Variants in NAALADL2 observed in about 807,000 individuals in gnomAD.
NAALADL2 encodes inactive N-acetylated-alpha-linked acidic dipeptidase-like protein 2.
Under a neutral mutation model 87.2 loss-of-function variants are expected in NAALADL2, and 76 were observed. That is an observed-to-expected ratio of 0.87 (90% CI 0.72 to 1.05). The LOEUF (loss-of-function observed/expected upper bound fraction) is 1.05. Ranked by LOEUF, NAALADL2 falls within the 50% of genes least tolerant of loss-of-function variation. The pLI is 0.00. For synonymous variants in NAALADL2, 354 were observed against 331.0 expected (o/e 1.07, Z -0.75); for missense variants, 1,089 against 945.8 (o/e 1.15, Z -1.99).
chr3:174,460,197 C>A (rs1716122672), intron 1 of NAALADL2, among the ~76,000 whole-genome samples: 1 of 151,820 alleles, frequency 6.6e-6, no homozygotes, highest in African/African-American at 2.4e-5. Flanking sequence ...ATCATATAAA[C>A]CCTAAATGTG....
upstream of NAALADL2, among the ~76,000 whole-genome samples, chr3:174,855,213 T>G (rs1725719948): frequency 6.6e-6 from 1 of 152,166 alleles, no homozygotes; most frequent in South Asian, 2.1e-4. Flanking sequence ...ATGTGAGTAA[T>G]GTCTTATGCA....
At chr3:174,866,003 A>G (rs562290661) in intron 1 of NAALADL2, among the ~76,000 whole-genome samples, 2 of 152,046 alleles carry the variant, frequency 1.3e-5, no homozygotes, top group East Asian at 3.9e-4. Flanking sequence ...AATATATGCC[A>G]GAACATGCTG....
chr3:174,886,958 C>T (rs1579364889), intron 1 of NAALADL2, among the ~76,000 whole-genome samples: 2 of 152,164 alleles, frequency 1.3e-5, no homozygotes, highest in Admixed American at 6.5e-5. Flanking sequence ...ATCCTCCAAT[C>T]AAATAAACAA....
rs1018605500 is a variant in NAALADL2, at chr3:174,991,003, A to T, written c.44-105787A>T. On this transcript the variant is annotated intron_variant, in intron 1 of 13. Transcript: ENST00000454872. ...TATTACAGTGAATAAAAATATAAGC[A>T]TTTATGTATGCATTATACGTAAATA... 3.9e-5 allele frequency among the ~76,000 whole-genome samples: 6 copies of T among 152,260 alleles called. No individual in the cohort carries two copies. The South Asian group carries it at 1.2e-3, about 32-fold the overall frequency.
chr3:174,815,829 AGT>A (rs1491490546), intron 3 of NAALADL2, among the ~76,000 whole-genome samples: 8 of 63,302 alleles, frequency 1.3e-4, no homozygotes, highest in East Asian at 8.2e-4. Flanking sequence ...ATTTGACTTT[AGT>A]TTTTTTTTTT....
intron 11 of NAALADL2, among the ~76,000 whole-genome samples, chr3:175,674,263 TGTTTTG>T (rs1560955715): frequency 0.014 from 2,131 of 150,170 alleles, 69 homozygotes; most frequent in African/African-American, 0.051. Context: ...TTTTTTTGTT[TGTTTTG>T]TTTTTTTTGA....
chr3:175,708,341 A>G lies in NAALADL2; in HGVS notation c.1897-28965A>G, dbSNP rs554013902. 3.4e-4 allele frequency among the ~76,000 whole-genome samples: 51 copies of G among 152,208 alleles called. No homozygotes were observed. The South Asian group carries it at 8.7e-3, about 26-fold the overall frequency. ...AATGGATTAGAGAGTGGCAAGAATG[A>G]GTCCAGGGAGGCCAGTTCAAAAGTA... On this transcript the variant is annotated intron_variant, in intron 11 of 13. Transcript: ENST00000454872.
At chr3:174,463,290 C>A (rs538096482) in intron 1 of NAALADL2, among the ~76,000 whole-genome samples, 5 of 152,026 alleles carry the variant, frequency 3.3e-5, no homozygotes, top group Non-Finnish European at 5.9e-5. Context: ...ATGTAGAAAG[C>A]CTTCCACTTG....
intron 5 of NAALADL2, among the ~76,000 whole-genome samples, chr3:175,329,283 C>G (rs770600474): frequency 2.0e-5 from 3 of 152,254 alleles, no homozygotes; most frequent in Admixed American, 6.5e-5. Context: ...TTTTCAGTGG[C>G]TCTATTCTAG....
intron 5 of NAALADL2, among the ~76,000 whole-genome samples, chr3:175,389,821 A>G (rs551505087): frequency 6.6e-6 from 1 of 152,314 alleles, no homozygotes; most frequent in East Asian, 1.9e-4. Context: ...GACTTCACAC[A>G]GTGGCTCCAG....
At chr3:174,477,217 G>A (rs569941851) in intron 1 of NAALADL2, among the ~76,000 whole-genome samples, 14 of 152,192 alleles carry the variant, frequency 9.2e-5, no homozygotes, top group African/African-American at 3.4e-4. Context: ...TGACCATTTT[G>A]TCCTATAACT....
chr3:174,483,217 C>T (rs529981378), intron 1 of NAALADL2, among the ~76,000 whole-genome samples: 10 of 152,046 alleles, frequency 6.6e-5, no homozygotes, highest in African/African-American at 9.6e-5. Context: ...ATACCCAACA[C>T]GGGGTAACTT....
intron 1 of NAALADL2, among the ~76,000 whole-genome samples, chr3:174,914,600 A>G (rs374924664): frequency 4.6e-5 from 7 of 152,206 alleles, no homozygotes; most frequent in African/African-American, 1.4e-4. Context: ...CAAATATCAG[A>G]CATAATCTAT....
intron 13 of NAALADL2, among the ~76,000 whole-genome samples, chr3:175,801,684 T>C (rs1754168529): frequency 2.0e-5 from 3 of 152,148 alleles, no homozygotes; most frequent in African/African-American, 7.2e-5. Context: ...CTTACATCTC[T>C]ACTATAACAA....
chr3:175,509,116 CAAA>C (rs992775166), intron 9 of NAALADL2, among the ~76,000 whole-genome samples: 2 of 111,546 alleles, frequency 1.8e-5, no homozygotes, highest in Non-Finnish European at 1.9e-5. Context: ...AACTCCGTGT[CAAA>C]AAAAAAAAAG....
chr3:174,865,776 A>T (rs1727069667), intron 1 of NAALADL2, among the ~76,000 whole-genome samples: 2 of 151,932 alleles, frequency 1.3e-5, no homozygotes, highest in Admixed American at 1.3e-4. Flanking sequence ...CAGTTTGATA[A>T]ACTGGAATAA....
chr3:174,871,296 C>T (rs2109613519), intron 1 of NAALADL2, among the ~76,000 whole-genome samples: 1 of 152,244 alleles, frequency 6.6e-6, no homozygotes, highest in Middle Eastern at 3.4e-3. Context: ...AAATGATACA[C>T]CACATAACTT....
At chr3:175,214,138 A>G (rs1194970720) in intron 2 of NAALADL2, among the ~76,000 whole-genome samples, 1 of 152,180 alleles carries the variant, frequency 6.6e-6, no homozygotes, top group Admixed American at 6.6e-5. Flanking sequence ...GAGAAGAAAT[A>G]CTGGCATTGC....
At chr3:175,126,402 G>C (rs1045641854) in intron 2 of NAALADL2, among the ~76,000 whole-genome samples, 7 of 152,070 alleles carry the variant, frequency 4.6e-5, no homozygotes, top group Admixed American at 4.6e-4. Context: ...CTCACTCACT[G>C]CACACAGTAT....
Sources: allele counts gnomAD v4.1 joint callset (sites outside exome capture counted in the v4.1 genomes callset), GRCh38; gene constraint gnomAD v4.1.1; transcripts MANE v1.5; gene names NCBI Gene and HGNC (gene_info 2026-07-23, HGNC 2026-07-21).